The following DAB2 variants were observed in gnomAD, a reference collection of about 807,000 sequenced individuals.
The protein encoded by DAB2 is DAB adaptor protein 2, also known as disabled homolog 2.
In DAB2, 28 loss-of-function variants were observed where a neutral mutation model predicts 71.6. That is an observed-to-expected ratio of 0.39 (90% confidence interval 0.29 to 0.54). The LOEUF (loss-of-function observed/expected upper bound fraction) is 0.54, where lower values mean the gene tolerates loss of function less well. DAB2 is among the 20% of genes least tolerant of loss of function. DAB2 has a pLI of 0.68. For missense variants in DAB2, 867 were observed against 928.8 expected, an observed-to-expected ratio of 0.93 and a Z score of 0.86; for synonymous variants, 345 against 339.7, an observed-to-expected ratio of 1.02 and a Z score of -0.17.
Position 39,383,007 on chromosome 5 carries a change from C to G in DAB2, c.952G>C (p.Asp318His), listed in dbSNP as rs761765602. 4 of 1,614,078 alleles carry G rather than the reference C, an allele frequency of 2.5e-6. No individual in the cohort carries two copies. The highest frequency in any genetic ancestry group is 3.4e-6 in the Non-Finnish European group (4 of 1,180,018). The change falls in exon 10 of 15, where the codon GAT (aspartate) becomes CAT (histidine). Residue 318 changes from aspartate to histidine, a missense_variant. Around this residue, in one of 2 missense-constraint regions of DAB2, gnomAD observed 740 missense variants for 734.3 expected, o/e 1.01. Coordinates refer to ENST00000320816, the MANE Select transcript of DAB2 (RefSeq NM_001343.4). The stretch of plus-strand genomic sequence containing the variant: ...CTACTCGAATTCTCTTTCTTCTGAT[C>G]TGGAGATTTGAGAGAATCAAACGAA... ...PSSFDSLKSP[D>H]QKKENSSSSS...
chr5:39,382,667 A>T lies in DAB2; in HGVS notation c.1292T>A (p.Ile431Asn), dbSNP rs1241739293. 6.2e-7 allele frequency: 1 copy of T among 1,613,992 alleles called. No individual in the cohort carries two copies. The highest frequency in any genetic ancestry group is 8.5e-7 in the Non-Finnish European group (1 of 1,180,000). ...TGGTTTGGTACTTTGTGGAGGTGGGATAATGGCTATGGAGTCATGTGGTGA... is the reference window on the plus strand; with the variant it reads ...TGGTTTGGTACTTTGTGGAGGTGGGTTAATGGCTATGGAGTCATGTGGTGA... ...QSSPHDSIAI[I>N]PPPQSTKPGR... is the part of the protein sequence containing the mutation. Residue 431 changes from isoleucine (I) to asparagine (N), a missense_variant, in exon 10 of 15, where the codon ATC becomes AAC. By Grantham distance (149) the Ile-to-Asn change is moderately radical. Around this residue, in one of 2 missense-constraint regions of DAB2, gnomAD observed 740 missense variants for 734.3 expected, o/e 1.01. Coordinates refer to ENST00000320816, the MANE Select transcript of DAB2 (RefSeq NM_001343.4).
At chr5:39,420,366 A>G (rs188927673) in intron 1 of DAB2, among the ~76,000 whole-genome samples, 23 of 152,236 alleles carry the variant, frequency 1.5e-4, no homozygotes, top group Non-Finnish European at 3.1e-4. Context: ...CCTCATCCAG[A>G]TTTCTTCTAG....
In DAB2 at chr5:39,393,119, G is replaced by A. The variant is rs573714370; in HGVS notation, c.231+135C>T. 15 of 830,266 alleles carry A rather than the reference G, an allele frequency of 1.8e-5. No individual in the cohort carries two copies. The South Asian group carries it at 2.4e-4, about 13-fold the overall frequency. 51.4% of individuals were successfully genotyped at this position (830,266 alleles called of 1,614,324 possible). ...AACACTCACGGTTTCTCAGAAAATGGGGCACTACTGATGGATAATGTGATT... is the reference window on the plus strand; with the variant it reads ...AACACTCACGGTTTCTCAGAAAATGAGGCACTACTGATGGATAATGTGATT... On this transcript the variant is annotated intron_variant, in intron 3 of 14. Coordinates refer to ENST00000320816, the MANE Select transcript of DAB2 (RefSeq NM_001343.4).
At chr5:39,389,424 A>G (rs760913261) in intron 6 of DAB2, among the ~76,000 whole-genome samples, 5 of 152,216 alleles carry the variant, frequency 3.3e-5, no homozygotes, top group Non-Finnish European at 5.9e-5. Flanking sequence ...CCATTGCCCT[A>G]TTGGGAAGAA....
At chr5:39,410,815 A>AC (rs1755709877) in intron 1 of DAB2, among the ~76,000 whole-genome samples, 2 of 151,526 alleles carry the variant, frequency 1.3e-5, no homozygotes, top group South Asian at 4.2e-4. Context: ...TTAAAAAAAA[A>AC]ACTATGAATT....
rs1282381474 is a variant in DAB2 at position 39,372,110 on chromosome 5, A to G, written c.*1321T>C. 6.6e-6 allele frequency: 1 copy of G among 152,190 alleles called. No homozygotes were observed. 9.4% of individuals were successfully genotyped at this position (152,190 alleles called of 1,614,324 possible). On this transcript the variant is annotated 3_prime_UTR_variant, in exon 15 of 15. Transcript: ENST00000320816. ...CATTAAGGGTCAAGAGACAACATTAAAAACCCAACATAAACAAAACAAAAC... is the reference window on the plus strand; with the variant it reads ...CATTAAGGGTCAAGAGACAACATTAGAAACCCAACATAAACAAAACAAAAC...
At chr5:39,375,869 G>C (rs375494768) in intron 13 of DAB2, 128 bp downstream of exon 13, 2 of 743,248 alleles carry the variant, frequency 2.7e-6, no homozygotes, top group African/African-American at 1.8e-5. Context: ...CTGGCCGACA[G>C]AGCAAGACTC....
At chr5:39,376,513 C>T (rs976623878) in intron 12 of DAB2, 137 bp downstream of exon 12, 22 of 1,038,012 alleles carry the variant, frequency 2.1e-5, no homozygotes, top group African/African-American at 6.4e-5. Context: ...AAGTTGTCTC[C>T]GTAACCCTTG....
At chr5:39,415,617 C>T (rs1755827195) in intron 1 of DAB2, among the ~76,000 whole-genome samples, 1 of 152,098 alleles carries the variant, frequency 6.6e-6, no homozygotes, top group Admixed American at 6.6e-5. Context: ...GTCCCTACAG[C>T]TTGCTTTAGT....
intron 1 of DAB2, among the ~76,000 whole-genome samples, chr5:39,413,088 TGATGGTGTG>T: frequency 6.6e-6 from 1 of 152,028 alleles, no homozygotes; most frequent in East Asian, 1.9e-4. Context: ...AGGTTTTGAG[TGATGGTGTG>T]GAGGTTGGGG....
intron 11 of DAB2, among the ~76,000 whole-genome samples, chr5:39,379,689 C>A (rs1325343446): frequency 6.6e-6 from 1 of 152,090 alleles, no homozygotes; most frequent in East Asian, 1.9e-4. Flanking sequence ...CAAGTTGAAT[C>A]TGAGGGCTCA....
At chr5:39,410,971 G>C (rs1332214401) in intron 1 of DAB2, among the ~76,000 whole-genome samples, 1 of 152,092 alleles carries the variant, frequency 6.6e-6, no homozygotes, top group Non-Finnish European at 1.5e-5. Flanking sequence ...TAGGCAAAAG[G>C]TTGGTTAAAA....
At position 39,394,393 on chromosome 5, in the gene DAB2, C is replaced by G; in HGVS notation, c.-73G>C. 8.9e-7 allele frequency: 1 copy of G among 1,124,560 alleles called. No individual in the cohort carries two copies. Among genetic ancestry groups the G allele is most frequent in the Non-Finnish European group, 1.4e-6 (1 of 735,392 alleles). The allele number at this position is 1,124,560 out of a possible 1,614,324, so 69.7% of individuals were successfully genotyped here. A position where few individuals can be genotyped will look rare whatever the true frequency, so the allele number is the denominator to read the frequency against. The stretch of plus-strand genomic sequence containing the variant: ...CACCAGGCGATCCCGATGGAGAAGT[C>G]TCAAATAAACATAACCTCCCACAGA... On this transcript the variant is annotated 5_prime_UTR_variant, in exon 2 of 15. Coordinates refer to ENST00000320816, the MANE Select transcript of DAB2 (RefSeq NM_001343.4).
chr5:39,388,133 T>C (rs1175941155), intron 9 of DAB2, 172 bp downstream of exon 9: 3 of 592,628 alleles, frequency 5.1e-6, no homozygotes, highest in Admixed American at 3.2e-5. Context: ...TGTGGATAGG[T>C]TCCCATGGTG....
chr5:39,398,328 T>C (rs1374765487), intron 1 of DAB2, among the ~76,000 whole-genome samples: 1 of 152,204 alleles, frequency 6.6e-6, no homozygotes, highest in Non-Finnish European at 1.5e-5. Context: ...GGAAGGATTC[T>C]AAGGTGAGTG....
At chr5:39,397,890 A>G (rs1755404315) in intron 1 of DAB2, among the ~76,000 whole-genome samples, 1 of 152,208 alleles carries the variant, frequency 6.6e-6, no homozygotes, top group African/African-American at 2.4e-5. Flanking sequence ...AACAGAATAC[A>G]TTCTATTTTC....
intron 11 of DAB2, 97 bp downstream of exon 11, chr5:39,381,357 G>A: frequency 2.3e-6 from 3 of 1,299,024 alleles, no homozygotes; most frequent in Non-Finnish European, 3.2e-6. Flanking sequence ...ATCTTATGCT[G>A]TAAAACCCTC....
intron 6 of DAB2, 59 bp from the exon 7 acceptor site, chr5:39,389,182 A>G (rs1452167170): frequency 1.5e-6 from 2 of 1,378,980 alleles, no homozygotes; most frequent in East Asian, 4.6e-5. Flanking sequence ...GGAGTTAAAT[A>G]CACAAACAAG....
chr5:39,417,307 A>T (rs1021932989), intron 1 of DAB2: 14 of 152,232 alleles, frequency 9.2e-5, no homozygotes, highest in African/African-American at 3.1e-4. Flanking sequence ...AATAAAAAAA[A>T]AAAATCAAAA....
Sources: gnomAD v4.1 joint callset for allele counts (sites outside exome capture counted in the v4.1 genomes callset) on GRCh38, gnomAD v4.1.1 for gene constraint, gnomAD v4.1.1 regional missense constraint, MANE v1.5 for transcripts, NCBI Gene and HGNC (gene_info 2026-07-23, HGNC 2026-07-21) for gene names.